CSMD1: variants seen among roughly 807,000 people sequenced by gnomAD.
CSMD1 encodes the protein CUB and Sushi multiple domains 1, also known as CUB and sushi domain-containing protein 1.
A neutral mutation model predicts 417.5 loss-of-function variants in CSMD1; 213 were observed. That is an observed-to-expected ratio of 0.51 (90% CI 0.46 to 0.57). The LOEUF is 0.57. Ranked by LOEUF, CSMD1 falls within the 20% of genes least tolerant of loss-of-function variation. The probability of loss-of-function intolerance (pLI) is 0.00; values close to 1 mark genes in which losing one functional copy is unlikely to be tolerated. For missense variants in CSMD1, 6,923 were observed against 4,529.7 expected, an observed-to-expected ratio of 1.53 and a Z score of -15.17; for synonymous variants, 2,862 against 1,736.8, an observed-to-expected ratio of 1.65 and a Z score of -16.11.
intron 3 of CSMD1, among the ~76,000 whole-genome samples, chr8:4,124,463 C>G (rs1418045395): frequency 6.6e-6 from 1 of 152,194 alleles, no homozygotes; most frequent in African/African-American, 2.4e-5. Context: ...CAGATGGCCA[C>G]TGTGGACTTC....
intron 3 of CSMD1, among the ~76,000 whole-genome samples, chr8:4,170,350 C>A (rs2552096): frequency 0.59 from 89,152 of 151,650 alleles, 27,571 homozygotes; most frequent in African/African-American, 0.78. Flanking sequence ...CATGCAGTTC[C>A]GTATATTCGG....
chr8:3,901,397 C>A lies in CSMD1; in HGVS notation c.818+96506G>T, dbSNP rs779745340. Among the ~76,000 whole-genome samples the A allele has an allele frequency of 2.8e-4, 42 of 152,250 alleles. No homozygotes were observed. The Middle Eastern group carries it at 0.01, about 37-fold the overall frequency. ...TGAAGATGGGCATATTTCAGTAAAC[C>A]TTCATCTTCCCTGAAATCCGTGCTG... On this transcript the variant is annotated intron_variant, in intron 5 of 69. Coordinates refer to ENST00000635120, the MANE Select transcript of CSMD1 (RefSeq NM_033225.6).
intron 18 of CSMD1, among the ~76,000 whole-genome samples, chr8:3,374,795 G>A (rs1240963322): frequency 6.6e-6 from 1 of 152,082 alleles, no homozygotes; most frequent in Non-Finnish European, 1.5e-5. Flanking sequence ...ACAGCCCTCT[G>A]GGGATTCTTT....
chr8:4,559,057 GTA>G (rs1340628025), intron 2 of CSMD1, among the ~76,000 whole-genome samples: 1 of 151,972 alleles, frequency 6.6e-6, no homozygotes, highest in African/African-American at 2.4e-5. Flanking sequence ...CCCTCATCTT[GTA>G]TTTAAGCAGT....
rs150963285 is a variant in CSMD1 at position 4,731,867 on chromosome 8, G to A, written c.86-94309C>T. Among the ~76,000 whole-genome samples the A allele has an allele frequency of 7.7e-3, 1,167 of 152,166 alleles. 9 individuals are homozygous for A. Among genetic ancestry groups the A allele is most frequent in the Non-Finnish European group, 0.011 (761 of 68,006 alleles). On this transcript the variant is annotated intron_variant, in intron 1 of 69. Coordinates refer to ENST00000635120, the MANE Select transcript of CSMD1 (RefSeq NM_033225.6). ...GTCTTCTCACATGGGCTTTAGTACT[G>A]TATTTTTATTCTAACTGTCTCTTCT...
At chr8:4,584,514 C>T (rs941068963) in intron 2 of CSMD1, among the ~76,000 whole-genome samples, 2 of 140,328 alleles carry the variant, frequency 1.4e-5, no homozygotes, top group African/African-American at 3.3e-5. Context: ...TCTCTAACAA[C>T]CCCCAACTCT....
At chr8:4,312,213 G>T (rs986572022) in intron 3 of CSMD1, among the ~76,000 whole-genome samples, 6 of 151,766 alleles carry the variant, frequency 4.0e-5, no homozygotes, top group Non-Finnish European at 8.8e-5. Context: ...ATATGCATGT[G>T]TAGAATGCAT....
intron 7 of CSMD1, among the ~76,000 whole-genome samples, chr8:3,647,875 G>A (rs746125460): frequency 1.3e-5 from 2 of 152,350 alleles, no homozygotes; most frequent in Non-Finnish European, 2.9e-5. Flanking sequence ...TCTTGTAACT[G>A]TTCTGTGTAA....
intron 8 of CSMD1, among the ~76,000 whole-genome samples, chr8:3,613,050 A>C (rs1388759531): frequency 6.6e-6 from 1 of 152,048 alleles, no homozygotes; most frequent in African/African-American, 2.4e-5. Flanking sequence ...GGAACAAGTA[A>C]AATTTTTTTA....
At chr8:3,989,683 A>G (rs1217377029) in intron 5 of CSMD1, among the ~76,000 whole-genome samples, 1 of 152,232 alleles carries the variant, frequency 6.6e-6, no homozygotes, top group Admixed American at 6.5e-5. Context: ...ATACTGTGAT[A>G]CTCTAAAGAG....
At chr8:3,771,446 C>G (rs1584972252) in intron 5 of CSMD1, among the ~76,000 whole-genome samples, 1 of 152,166 alleles carries the variant, frequency 6.6e-6, no homozygotes, top group Non-Finnish European at 1.5e-5. Context: ...GTTCTTCTCT[C>G]AGTTGCTGGT....
chr8:3,661,061 C>T (rs1429877005), intron 7 of CSMD1, among the ~76,000 whole-genome samples: 1 of 152,130 alleles, frequency 6.6e-6, no homozygotes, highest in Non-Finnish European at 1.5e-5. Flanking sequence ...TTGAAATGCT[C>T]AGAGAAGGAG....
chr8:3,582,703 A>G (rs1260385730), intron 9 of CSMD1, among the ~76,000 whole-genome samples: 1 of 152,240 alleles, frequency 6.6e-6, no homozygotes, highest in Non-Finnish European at 1.5e-5. Context: ...TGAAAAAAAG[A>G]AAATATATAA....
At chr8:4,609,024 A>AAC (rs1801030732) in intron 2 of CSMD1, among the ~76,000 whole-genome samples, 2 of 151,276 alleles carry the variant, frequency 1.3e-5, no homozygotes. Flanking sequence ...AAAAAAAAAA[A>AAC]AAAACATGAA....
chr8:3,136,360 G>A (rs1239607764), intron 41 of CSMD1, among the ~76,000 whole-genome samples: 4 of 151,474 alleles, frequency 2.6e-5, no homozygotes, highest in Admixed American at 1.3e-4. Flanking sequence ...GGTCTCCCAG[G>A]TTCAAGCGAT....
intron 2 of CSMD1, among the ~76,000 whole-genome samples, chr8:4,586,894 G>C (rs1585291707): frequency 6.6e-6 from 1 of 152,292 alleles, no homozygotes; most frequent in Admixed American, 6.5e-5. Context: ...TTTGATAAGA[G>C]TGCTTAACTT....
chr8:2,995,301 C>G (rs916963273), intron 54 of CSMD1, among the ~76,000 whole-genome samples: 2 of 152,178 alleles, frequency 1.3e-5, no homozygotes, highest in African/African-American at 2.4e-5. Context: ...AAGGTACTCA[C>G]GTCGTTAGCC....
intron 3 of CSMD1, among the ~76,000 whole-genome samples, chr8:4,032,555 G>T (rs958668907): frequency 1.3e-5 from 2 of 152,174 alleles, no homozygotes; most frequent in Non-Finnish European, 1.5e-5. Flanking sequence ...CTGGTACAGT[G>T]TCTGTTACAC....
rs1449142115 is a variant in CSMD1, at chr8:4,458,355, T to C, written c.303-38290A>G. On this transcript the variant is annotated intron_variant, in intron 2 of 69. Transcript: ENST00000635120. ...TAGCTGAAAGTTATATCAGTAATCA[T>C]AATAATGAAATTAATTTATAAACCT... is the stretch of plus-strand genomic sequence containing the variant. Among the ~76,000 whole-genome samples the C allele has an allele frequency of 2.6e-5, 4 of 152,190 alleles. No homozygotes were observed. In the East Asian group the frequency reaches 7.7e-4, roughly 29 times the overall value.
Sources: gnomAD v4.1 joint callset for allele counts (sites outside exome capture counted in the v4.1 genomes callset) on GRCh38, gnomAD v4.1.1 for gene constraint, MANE v1.5 for transcripts, NCBI Gene and HGNC (gene_info 2026-07-23, HGNC 2026-07-21) for gene names.